GABRG3: variants seen among roughly 807,000 people sequenced by gnomAD.
GABRG3 encodes the protein gamma-aminobutyric acid type A receptor subunit gamma3.
A neutral mutation model predicts 48.8 loss-of-function variants in GABRG3; 25 were observed. The ratio of observed to expected loss-of-function variants is 0.51; its 90% confidence interval spans 0.37 to 0.72. The LOEUF (loss-of-function observed/expected upper bound fraction) is 0.72, where lower values mean the gene tolerates loss of function less well. GABRG3 is among the 30% of genes least tolerant of loss of function. GABRG3 has a pLI of 0.00. For missense variants in GABRG3, 394 were observed against 577.9 expected (o/e 0.68, Z 3.26); for synonymous variants, 227 against 217.6 (o/e 1.04, Z -0.38).
At chr15:27,389,641 G>C (rs1234751983) in intron 5 of GABRG3, among the ~76,000 whole-genome samples, 1 of 152,070 alleles carries the variant, frequency 6.6e-6, no homozygotes, top group Admixed American at 6.5e-5. Flanking sequence ...AACTCTGATT[G>C]GTAAAATATA....
At chr15:27,468,256 A>G (rs1029042550) in intron 5 of GABRG3, among the ~76,000 whole-genome samples, 7 of 152,226 alleles carry the variant, frequency 4.6e-5, no homozygotes, top group African/African-American at 1.7e-4. Flanking sequence ...GGCATACTCA[A>G]GAGAGAGTCA....
chr15:27,120,947 C>T (rs779211195), intron 3 of GABRG3, among the ~76,000 whole-genome samples: 1 of 152,094 alleles, frequency 6.6e-6, no homozygotes, highest in Admixed American at 6.5e-5. Flanking sequence ...CAAGCGTATG[C>T]CAAACTTAGT....
At chr15:27,042,336 C>A (rs1030333698) in intron 3 of GABRG3, among the ~76,000 whole-genome samples, 10 of 152,246 alleles carry the variant, frequency 6.6e-5, no homozygotes, top group African/African-American at 2.4e-4. Flanking sequence ...GGAGCTGGGG[C>A]CTCCCCTGCC....
At chr15:27,473,390 C>T (rs1486277580) in intron 5 of GABRG3, among the ~76,000 whole-genome samples, 1 of 152,130 alleles carries the variant, frequency 6.6e-6, no homozygotes, top group Non-Finnish European at 1.5e-5. Context: ...CAATTTTTTA[C>T]AGGGGAAAGT....
chr15:27,249,539 A>G (rs933051951), intron 3 of GABRG3, among the ~76,000 whole-genome samples: 3 of 152,192 alleles, frequency 2.0e-5, no homozygotes, highest in Admixed American at 2.0e-4. Context: ...CATCTGCTTC[A>G]TAAGGTTCTG....
At chr15:27,282,268 A>T (rs1368870923) in intron 3 of GABRG3, among the ~76,000 whole-genome samples, 1 of 152,104 alleles carries the variant, frequency 6.6e-6, no homozygotes, top group Non-Finnish European at 1.5e-5. Context: ...CTGTTGCCTA[A>T]ATTCGGAAGT....
At chr15:27,250,748 A>G (rs540604041) in intron 3 of GABRG3, among the ~76,000 whole-genome samples, 1 of 152,338 alleles carries the variant, frequency 6.6e-6, no homozygotes, top group African/African-American at 2.4e-5. Flanking sequence ...TACTTTAGAC[A>G]GTGCCCGTGA....
chr15:27,518,156 G>T (rs761824234), intron 6 of GABRG3, among the ~76,000 whole-genome samples: 3 of 130,174 alleles, frequency 2.3e-5, no homozygotes, highest in Non-Finnish European at 4.6e-5. Context: ...TTCGAGACCA[G>T]CATGATCAAC....
chr15:27,299,022 A>C (rs1249631219), intron 3 of GABRG3, among the ~76,000 whole-genome samples: 2 of 152,228 alleles, frequency 1.3e-5, no homozygotes, highest in Non-Finnish European at 2.9e-5. Context: ...GGTGGCTCAC[A>C]TCTGTAATCC....
At chr15:27,354,139 G>A (rs192079060) in intron 5 of GABRG3, among the ~76,000 whole-genome samples, 4 of 152,272 alleles carry the variant, frequency 2.6e-5, no homozygotes, top group African/African-American at 7.2e-5. Flanking sequence ...CTAAGCCTTC[G>A]TCTCATAGCC....
chr15:27,154,444 C>T (rs1230157665), intron 3 of GABRG3, among the ~76,000 whole-genome samples: 2 of 152,162 alleles, frequency 1.3e-5, no homozygotes, highest in South Asian at 2.1e-4. Context: ...TATTCAGTAA[C>T]TCACCATTAC....
At chr15:27,361,162 G>C (rs949708808) in intron 5 of GABRG3, among the ~76,000 whole-genome samples, 3 of 152,216 alleles carry the variant, frequency 2.0e-5, no homozygotes, top group Admixed American at 2.0e-4. Context: ...AGAGAGCAGG[G>C]TACTTCTTAG....
At chr15:27,512,798 G>A (rs73369593) in intron 6 of GABRG3, among the ~76,000 whole-genome samples, 15,481 of 152,122 alleles carry the variant, frequency 0.1, 1,819 homozygotes, top group African/African-American at 0.29. Flanking sequence ...ACCTGCTGAG[G>A]CAACCCATTT....
intron 3 of GABRG3, among the ~76,000 whole-genome samples, chr15:27,038,893 C>T (rs1490020889): frequency 6.6e-6 from 1 of 152,210 alleles, no homozygotes; most frequent in Non-Finnish European, 1.5e-5. Context: ...GTGCCACTCT[C>T]CCCTCCCGGG....
At chr15:27,100,495 T>A (rs1436290810) in intron 3 of GABRG3, among the ~76,000 whole-genome samples, 6 of 152,126 alleles carry the variant, frequency 3.9e-5, no homozygotes, top group Non-Finnish European at 8.8e-5. Context: ...TAATATTACC[T>A]GATACCAAAA....
intron 3 of GABRG3, among the ~76,000 whole-genome samples, chr15:27,042,286 T>G (rs1284275512): frequency 6.6e-6 from 1 of 152,158 alleles, no homozygotes; most frequent in Non-Finnish European, 1.5e-5. Context: ...GCATATGAAA[T>G]GAATGAAAGT....
At chr15:27,308,773 T>C (rs1027917691) in intron 3 of GABRG3, among the ~76,000 whole-genome samples, 4 of 150,090 alleles carry the variant, frequency 2.7e-5, no homozygotes, top group Non-Finnish European at 6.0e-5. Flanking sequence ...CATACGTTTA[T>C]ATATAAAACA....
At chr15:27,151,483 A>G (rs1297668077) in intron 3 of GABRG3, among the ~76,000 whole-genome samples, 1 of 152,084 alleles carries the variant, frequency 6.6e-6, no homozygotes, top group African/African-American at 2.4e-5. Context: ...GAGCCTACCT[A>G]AAGATGTTCA....
At chr15:27,454,083 C>T (rs1018764068) in intron 5 of GABRG3, among the ~76,000 whole-genome samples, 7 of 152,222 alleles carry the variant, frequency 4.6e-5, no homozygotes, top group African/African-American at 1.7e-4. Context: ...ACTGAGCAGG[C>T]TCACCCAGAA....
Sources: allele counts gnomAD v4.1 joint callset (sites outside exome capture counted in the v4.1 genomes callset), GRCh38; gene constraint gnomAD v4.1.1; transcripts MANE v1.5; gene names NCBI Gene and HGNC (gene_info 2026-07-23, HGNC 2026-07-21).